The following PITPNM2 variants were observed in gnomAD, a reference collection of about 807,000 sequenced individuals.
PITPNM2 encodes the protein membrane-associated phosphatidylinositol transfer protein 2.
A neutral mutation model predicts 132.2 loss-of-function variants in PITPNM2; 35 were observed. The observed-to-expected ratio is 0.26, with a 90% CI of 0.20 to 0.35. PITPNM2 has a LOEUF of 0.35. Ranked by LOEUF, PITPNM2 falls within the 10% of genes least tolerant of loss-of-function variation. PITPNM2 has a pLI of 1.00. For synonymous variants in PITPNM2, 738 were observed against 799.2 expected, an observed-to-expected ratio of 0.92 and a Z score of 1.29; for missense variants, 1,332 against 1,912.0, an observed-to-expected ratio of 0.70 and a Z score of 5.66.
intron 2 of PITPNM2, among the ~76,000 whole-genome samples, chr12:123,068,303 T>G (rs925740434): frequency 2.0e-5 from 3 of 151,880 alleles, no homozygotes; most frequent in South Asian, 2.1e-4. Context: ...CCGTCTCTAC[T>G]AAAAATACAA....
At position 122,988,298 on chromosome 12, in the gene PITPNM2, G is replaced by A. The variant is rs760983901; in HGVS notation, c.2933C>T (p.Ser978Leu). The A allele has an allele frequency of 6.1e-5, 98 of 1,613,260 alleles. No individual in the cohort carries two copies. The highest frequency in any genetic ancestry group is 6.7e-5 in the Admixed American group (4 of 59,986). Reference protein sequence around the residue: ...SILELDGKEVSVFTPSKPREK... With the variant: ...SILELDGKEVLVFTPSKPREK... ...CCTTGGCTTTGAGGGGGTGAACACCGACACTTCCTTGCCATCCAGCTCCAA... is the reference window on the plus strand; with the variant it reads ...CCTTGGCTTTGAGGGGGTGAACACCAACACTTCCTTGCCATCCAGCTCCAA... Residue 978 changes from serine to leucine, a missense_variant, in exon 20 of 26, where the codon TCG becomes TTG. This residue lies in a region of PITPNM2 where 251 missense variants were observed against 472.0 expected (regional missense o/e 0.53). Transcript: ENST00000320201.
At chr12:123,061,993 C>T (rs1221912541) in intron 2 of PITPNM2, among the ~76,000 whole-genome samples, 3 of 151,930 alleles carry the variant, frequency 2.0e-5, no homozygotes, top group Non-Finnish European at 4.4e-5. Context: ...TAGAGGTAGG[C>T]GGTAAGTTCC....
chr12:123,062,345 C>T (rs1321358218), intron 2 of PITPNM2, among the ~76,000 whole-genome samples: 1 of 152,128 alleles, frequency 6.6e-6, no homozygotes, highest in African/African-American at 2.4e-5. Flanking sequence ...GCCTGGCAAC[C>T]AAGATGTGTT....
In PITPNM2 at chr12:123,009,905, C is replaced by T; in HGVS notation, c.588G>A (p.Val196=). Residue 196 remains valine (V), a synonymous_variant, in exon 6 of 26, where the codon GTG becomes GTA. Transcript: ENST00000320201. The surrounding 1 kb of genome is among the most constrained non-coding windows in gnomAD (Gnocchi z 4.8). ...ACTGCATGCCCCAGTAGCGGAACTC[C>T]ACCTTGCAGAGCTTGTATGCGCACA... ...PIMCAYKLCK[V]EFRYWGMQSK... is the part of the protein sequence containing the mutation. The T allele has an allele frequency of 1.2e-6, 2 of 1,614,202 alleles. No homozygotes were observed. The highest frequency in any genetic ancestry group is 1.1e-5 in the South Asian group (1 of 91,072).
chr12:123,121,824 C>A (rs1163655443), intron 1 of PITPNM2, among the ~76,000 whole-genome samples: 1 of 151,992 alleles, frequency 6.6e-6, no homozygotes, highest in Non-Finnish European at 1.5e-5. Context: ...AGATTACAGG[C>A]TTGGACTACC....
At chr12:123,006,797 A>G (rs749090070) in intron 6 of PITPNM2, among the ~76,000 whole-genome samples, 17 of 151,652 alleles carry the variant, frequency 1.1e-4, no homozygotes, top group South Asian at 1.0e-3. Context: ...GCCTTGGGCC[A>G]GGGTGGGATG....
At chr12:123,034,447 A>G (rs1049937349) in intron 3 of PITPNM2, 66 bp downstream of exon 3, 2 of 1,461,358 alleles carry the variant, frequency 1.4e-6, no homozygotes, top group East Asian at 4.5e-5. Context: ...CCTAACCCAC[A>G]TGTGGTGTCT....
Position 123,009,866 on chromosome 12 carries a change from C to A in PITPNM2, c.627G>T (p.Arg209Ser). 1.2e-6 allele frequency: 2 copies of A among 1,614,140 alleles called. No individual in the cohort carries two copies. Among genetic ancestry groups the A allele is most frequent in the South Asian group, 2.2e-5 (2 of 91,074 alleles). ...TGTGCTCACCGGTGTCGTGGATGAA[C>A]CTCTCGATCTTGGACTGCATGCCCC... ...RYWGMQSKIE[R>S]FIHDTGLRRV... The change falls in exon 6 of 26, where the codon AGG (arginine) becomes AGT (serine). Residue 209 changes from arginine to serine, a missense_variant. By Grantham distance (110) the Arg-to-Ser change is moderately radical (BLOSUM62 -1). Transcript: ENST00000320201. This position sits in a 1 kb window ranked among gnomAD's most constrained non-coding sequence, Gnocchi z 4.8.
chr12:123,044,604 A>G (rs57106451), intron 2 of PITPNM2, among the ~76,000 whole-genome samples: 6,481 of 152,174 alleles, frequency 0.043, 461 homozygotes, highest in African/African-American at 0.15. Flanking sequence ...GACAGAGTAG[A>G]TACATAATGA....
chr12:123,140,849 C>T (rs2043491557), intron 1 of PITPNM2, among the ~76,000 whole-genome samples: 1 of 152,018 alleles, frequency 6.6e-6, no homozygotes, highest in South Asian at 2.1e-4. Flanking sequence ...AGCATGTAAT[C>T]CTGTCTTGGT....
At position 123,151,039 on chromosome 12, in the gene PITPNM2, C is replaced by G. The variant is rs1230111831; in HGVS notation, c.-486G>C. Among the ~76,000 whole-genome samples the G allele has an allele frequency of 6.9e-6, 1 of 145,578 alleles. No individual in the cohort carries two copies. Among genetic ancestry groups the G allele is most frequent in the Non-Finnish European group, 1.5e-5 (1 of 65,530 alleles). ...GGGCGGGCGGCCGGGGCCGGCTGGA[C>G]AGCTCTACGCCGCGGCGCCGCGGTG... is the stretch of plus-strand genomic sequence containing the variant. On this transcript the variant is annotated 5_prime_UTR_variant, in exon 1 of 26. Transcript: ENST00000320201.
Position 123,034,667 on chromosome 12 carries a change from C to G in PITPNM2, c.-77G>C. 1 of 1,254,248 alleles carries G rather than the reference C, an allele frequency of 8.0e-7. No homozygotes were observed. The highest frequency in any genetic ancestry group is 1.2e-6 in the Non-Finnish European group (1 of 854,708). 77.7% of individuals were successfully genotyped at this position (1,254,248 alleles called of 1,614,324 possible). A position where few individuals can be genotyped will look rare whatever the true frequency, so the allele number is the denominator to read the frequency against. On this transcript the variant is annotated 5_prime_UTR_variant, in exon 3 of 26. Coordinates refer to ENST00000320201, the MANE Select transcript of PITPNM2 (RefSeq NM_020845.3). Reference sequence around the variant, plus strand: ...GGCAAGGTTCCTTAAATAACCATGACAAAATTCACCAAGGACCCCTGGGAG... The same window carrying G: ...GGCAAGGTTCCTTAAATAACCATGAGAAAATTCACCAAGGACCCCTGGGAG...
At chr12:123,020,960 C>T (rs764962615) in intron 3 of PITPNM2, among the ~76,000 whole-genome samples, 42 of 137,830 alleles carry the variant, frequency 3.0e-4, no homozygotes, top group Admixed American at 5.1e-4. Flanking sequence ...ACCTAGGAGG[C>T]AGAGGTTGCA....
At chr12:123,059,107 G>A (rs1371970504) in intron 2 of PITPNM2, among the ~76,000 whole-genome samples, 1 of 152,228 alleles carries the variant, frequency 6.6e-6, no homozygotes, top group Non-Finnish European at 1.5e-5. Flanking sequence ...TCTAGGCAGG[G>A]AGAGAACCAG....
rs1030617704 is a variant in PITPNM2 at position 123,150,127 on chromosome 12, G to T, written c.-200+626C>A. 7.8e-5 allele frequency: 12 copies of T among 152,936 alleles called. No homozygotes were observed. Among genetic ancestry groups the T allele is most frequent in the Non-Finnish European group, 1.3e-4 (9 of 68,596 alleles). 9.5% of individuals were successfully genotyped at this position (152,936 alleles called of 1,614,324 possible). ...GGAGGCAGTGCACACTGGGGCGGGG[G>T]ACACTGAACTTTCCCTCTCCCCAAG... is the stretch of plus-strand genomic sequence containing the variant. On this transcript the variant is annotated intron_variant, in intron 1 of 25. Coordinates refer to ENST00000320201, the MANE Select transcript of PITPNM2 (RefSeq NM_020845.3). The surrounding 1 kb of genome is among the most constrained non-coding windows in gnomAD (Gnocchi z 6.0).
At chr12:123,027,363 G>A (rs959295969) in intron 3 of PITPNM2, among the ~76,000 whole-genome samples, 2 of 152,226 alleles carry the variant, frequency 1.3e-5, no homozygotes, top group Admixed American at 1.3e-4. Flanking sequence ...CAGACAGGGT[G>A]GAGAGCATGT....
At chr12:123,067,459 A>T (rs1389897078) in intron 2 of PITPNM2, among the ~76,000 whole-genome samples, 4 of 120,938 alleles carry the variant, frequency 3.3e-5, no homozygotes, top group South Asian at 5.4e-4. Context: ...TCCATCACAC[A>T]CACACACACA....
chr12:123,148,366 T>C (rs919304191), intron 1 of PITPNM2, among the ~76,000 whole-genome samples: 3 of 152,178 alleles, frequency 2.0e-5, no homozygotes, highest in African/African-American at 7.2e-5. Context: ...CCAAAGACAC[T>C]GGAGCAATAC....
chr12:123,008,029 C>T lies in PITPNM2; in HGVS notation c.643+1821G>A, dbSNP rs1258100586. ...CTGAACCCACGGTCTCGGCCCACAA[C>T]AGTCCGATAGGATCGGTGTCATTAC... On this transcript the variant is annotated intron_variant, in intron 6 of 25. Transcript: ENST00000320201. The surrounding 1 kb of genome is among the most constrained non-coding windows in gnomAD (Gnocchi z 4.1). 1.3e-5 allele frequency among the ~76,000 whole-genome samples: 2 copies of T among 152,254 alleles called. No homozygotes were observed. Among genetic ancestry groups the T allele is most frequent in the East Asian group, 1.9e-4 (1 of 5,204 alleles).
Sources: gnomAD v4.1 joint callset for allele counts (sites outside exome capture counted in the v4.1 genomes callset) on GRCh38, gnomAD v4.1.1 for gene constraint, gnomAD v4.1.1 regional missense constraint, Gnocchi (gnomAD v3.1) non-coding constraint, MANE v1.5 for transcripts, NCBI Gene and HGNC (gene_info 2026-07-23, HGNC 2026-07-21) for gene names.